Variants in RPS6KA6 observed in about 807,000 individuals in gnomAD.
The protein encoded by RPS6KA6 is ribosomal protein S6 kinase A6.
Under a neutral mutation model 65.4 loss-of-function variants are expected in RPS6KA6, and 27 were observed. That is an observed-to-expected ratio of 0.41 (90% confidence interval 0.30 to 0.57). RPS6KA6 has a LOEUF of 0.57. Among genes scored for constraint, RPS6KA6 ranks in the 20% least tolerant of loss-of-function variants. RPS6KA6 has a pLI of 0.24. For synonymous variants in RPS6KA6, 190 were observed against 184.2 expected (o/e 1.03, Z -0.26); for missense variants, 486 against 555.6 (o/e 0.87, Z 1.26).
chrX:84,186,482 T>C (rs919064353), intron 1 of RPS6KA6, among the ~76,000 whole-genome samples: 2 of 111,848 alleles, frequency 1.8e-5, no homozygotes, highest in African/African-American at 6.5e-5. Context: ...TGTAAAATAT[T>C]AAAACGTATA....
intron 3 of RPS6KA6, among the ~76,000 whole-genome samples, chrX:84,150,879 A>AGAG (rs2035294100): frequency 1.0e-5 from 1 of 99,762 alleles, no homozygotes; most frequent in Non-Finnish European, 2.0e-5. Flanking sequence ...TATAGGATAT[A>AGAG]TATATATAGA....
chrX:84,092,255 A>G (rs1190441983), intron 20 of RPS6KA6, among the ~76,000 whole-genome samples: 1 of 111,066 alleles, frequency 9.0e-6, no homozygotes, highest in Non-Finnish European at 1.9e-5. Flanking sequence ...ACCTCACCAA[A>G]TAGACAAAAT....
At chrX:84,157,279 C>A (rs576690168) in intron 2 of RPS6KA6, among the ~76,000 whole-genome samples, 13 of 111,127 alleles carry the variant, frequency 1.2e-4, no homozygotes, top group African/African-American at 3.6e-4. Flanking sequence ...GAACTACCAG[C>A]AAATCAACAA....
chrX:84,061,632 T>G lies in RPS6KA6; in HGVS notation c.*2645A>C, dbSNP rs2147308103. 1 of 111,420 alleles carries G rather than the reference T, an allele frequency of 9.0e-6. No individual in the cohort carries two copies. Among genetic ancestry groups the G allele is most frequent in the South Asian group, 3.8e-4 (1 of 2,664 alleles). 9.2% of individuals were successfully genotyped at this position (111,420 alleles called of 1,213,427 possible). A position where few individuals can be genotyped will look rare whatever the true frequency, so the allele number is the denominator to read the frequency against. On this transcript the variant is annotated 3_prime_UTR_variant, in exon 22 of 22. Coordinates refer to ENST00000262752, the MANE Select transcript of RPS6KA6 (RefSeq NM_014496.5). ...AAGGACAACAGGTTGTTAGTCTATT[T>G]GAGCAAACCTGATGTTTTCTCTAAG...
At chrX:84,126,068 G>GA in intron 8 of RPS6KA6, among the ~76,000 whole-genome samples, 1 of 110,921 alleles carries the variant, frequency 9.0e-6, no homozygotes. Context: ...GATGAACCAT[G>GA]AAAAAACAAG....
At chrX:84,138,775 A>G (rs1309947547) in intron 6 of RPS6KA6, among the ~76,000 whole-genome samples, 1 of 98,019 alleles carries the variant, frequency 1.0e-5, no homozygotes, top group African/African-American at 3.7e-5. Context: ...GCACAGCTTA[A>G]GAGTTCTGTT....
At chrX:84,075,541 ATAAAACCCAAG>A (rs1405090021) in intron 20 of RPS6KA6, among the ~76,000 whole-genome samples, 1 of 111,543 alleles carries the variant, frequency 9.0e-6, no homozygotes, top group Non-Finnish European at 1.9e-5. Context: ...AATAAGGTCA[ATAAAACCCAAG>A]TACAAGAAAA....
intron 1 of RPS6KA6, among the ~76,000 whole-genome samples, chrX:84,170,359 G>A (rs1169879363): frequency 9.0e-6 from 1 of 110,680 alleles, no homozygotes; most frequent in East Asian, 2.8e-4. Context: ...GCCAGGCATA[G>A]TGGCTCACGT....
chrX:84,121,870 C>G (rs1196421960), intron 8 of RPS6KA6, among the ~76,000 whole-genome samples: 1 of 111,769 alleles, frequency 8.9e-6, no homozygotes, highest in East Asian at 2.8e-4. Context: ...AAAGTATAAT[C>G]CATAAAAGAA....
intron 20 of RPS6KA6, among the ~76,000 whole-genome samples, chrX:84,078,574 C>A (rs1428265535): frequency 1.8e-5 from 2 of 111,659 alleles, no homozygotes; most frequent in Non-Finnish European, 3.8e-5. Flanking sequence ...AATGATGTAT[C>A]CATAAAAAGA....
At chrX:84,108,585 T>G (rs1163273184) in intron 12 of RPS6KA6, among the ~76,000 whole-genome samples, 1 of 110,372 alleles carries the variant, frequency 9.1e-6, no homozygotes, top group Non-Finnish European at 1.9e-5. Flanking sequence ...GAAGATTGAG[T>G]GAGAGACCCC....
At chrX:84,118,973 C>T (rs1030803514) in intron 9 of RPS6KA6, among the ~76,000 whole-genome samples, 28 of 111,887 alleles carry the variant, frequency 2.5e-4, no homozygotes, top group Non-Finnish European at 5.3e-4. Context: ...TCTAGTCAAA[C>T]TGGTTCTCCA....
At chrX:84,159,858 T>C (rs950999261) in intron 2 of RPS6KA6, among the ~76,000 whole-genome samples, 1 of 110,351 alleles carries the variant, frequency 9.1e-6, no homozygotes, top group African/African-American at 3.3e-5. Context: ...TTAGAATACC[T>C]ACACCTACAG....
At chrX:84,173,559 C>T (rs991859680) in intron 1 of RPS6KA6, among the ~76,000 whole-genome samples, 7 of 112,393 alleles carry the variant, frequency 6.2e-5, no homozygotes, top group Non-Finnish European at 1.3e-4. Flanking sequence ...GTGAATAATG[C>T]TGCCTGTATA....
chrX:84,132,981 T>C (rs1039931524), intron 8 of RPS6KA6, among the ~76,000 whole-genome samples: 1 of 107,514 alleles, frequency 9.3e-6, no homozygotes, highest in Non-Finnish European at 1.9e-5. Flanking sequence ...GCAAACACCC[T>C]CCCTAGGAGA....
At chrX:84,185,237 T>C (rs1395809558) in intron 1 of RPS6KA6, among the ~76,000 whole-genome samples, 1 of 111,106 alleles carries the variant, frequency 9.0e-6, no homozygotes, top group Non-Finnish European at 1.9e-5. Context: ...GCTCTCACAA[T>C]CAGTTTCTTG....
intron 6 of RPS6KA6, among the ~76,000 whole-genome samples, chrX:84,142,219 T>C (rs1212390425): frequency 9.0e-6 from 1 of 111,392 alleles, no homozygotes; most frequent in East Asian, 2.8e-4. Context: ...TAGAAAGATA[T>C]GTGAAAGAAT....
intron 20 of RPS6KA6, among the ~76,000 whole-genome samples, chrX:84,084,016 C>A (rs781595883): frequency 8.9e-6 from 1 of 112,011 alleles, no homozygotes; most frequent in South Asian, 3.7e-4. Flanking sequence ...ACATAAATGT[C>A]TTCTTTTGAG....
intron 1 of RPS6KA6, among the ~76,000 whole-genome samples, chrX:84,175,494 G>A (rs900827338): frequency 3.6e-5 from 4 of 111,364 alleles, no homozygotes; most frequent in African/African-American, 9.8e-5. Flanking sequence ...TATATGCTAG[G>A]TATTACATAG....
Sources: gnomAD v4.1 joint callset for allele counts (sites outside exome capture counted in the v4.1 genomes callset) on GRCh38, gnomAD v4.1.1 for gene constraint, MANE v1.5 for transcripts, NCBI Gene and HGNC (gene_info 2026-07-23, HGNC 2026-07-21) for gene names.